Variants in LRP1B observed in about 807,000 individuals in gnomAD.
LRP1B encodes the protein low-density lipoprotein receptor-related protein 1B.
A neutral mutation model predicts 556.6 loss-of-function variants in LRP1B; 217 were observed. That is an observed-to-expected ratio of 0.39 (90% confidence interval 0.35 to 0.44). The LOEUF (loss-of-function observed/expected upper bound fraction) is 0.44. Ranked by LOEUF, LRP1B falls within the 20% of genes least tolerant of loss-of-function variation. The pLI, the probability that LRP1B is intolerant of heterozygous loss-of-function variation, is 1.00. For synonymous variants in LRP1B, 2,047 were observed against 1,865.8 expected, an observed-to-expected ratio of 1.10 and a Z score of -2.50; for missense variants, 5,053 against 5,620.8, an observed-to-expected ratio of 0.90 and a Z score of 3.23.
chr2:140,942,375 T>C lies in LRP1B; in HGVS notation c.3136+7860A>G, dbSNP rs181892415. On this transcript the variant is annotated intron_variant, in intron 20 of 90. Transcript: ENST00000389484. Reference sequence around the variant, plus strand: ...AACTTGGAAAACATATTTGAGGATATAGTCCATGAAAATTTCCCCAATCTT... The same window carrying C: ...AACTTGGAAAACATATTTGAGGATACAGTCCATGAAAATTTCCCCAATCTT... 2.7e-3 allele frequency among the ~76,000 whole-genome samples: 415 copies of C among 152,230 alleles called. 2 individuals are homozygous for C. Among genetic ancestry groups the C allele is most frequent in the African/African-American group, 9.5e-3 (394 of 41,544 alleles).
At chr2:140,868,309 T>C (rs1693017442) in intron 25 of LRP1B, 46 bp from the exon 26 acceptor site, 7 of 1,487,218 alleles carry the variant, frequency 4.7e-6, no homozygotes, top group Non-Finnish European at 5.4e-6. Flanking sequence ...GTTTCAGTCA[T>C]TCATTTCACA....
intron 86 of LRP1B, among the ~76,000 whole-genome samples, chr2:140,252,613 C>G (rs1032483867): frequency 2.0e-5 from 3 of 151,906 alleles, no homozygotes; most frequent in Non-Finnish European, 4.4e-5. Flanking sequence ...CTTTCTCATG[C>G]CCAGGAGAGT....
chr2:140,577,829 A>T (rs2105126377), intron 43 of LRP1B, among the ~76,000 whole-genome samples: 1 of 152,264 alleles, frequency 6.6e-6, no homozygotes, highest in Admixed American at 6.5e-5. Context: ...AATTTTAGTC[A>T]TATATAGTGG....
At chr2:140,883,739 G>A (rs919387475) in intron 25 of LRP1B, 78 bp downstream of exon 25, 1 of 1,121,868 alleles carries the variant, frequency 8.9e-7, no homozygotes, top group Admixed American at 2.2e-5. Flanking sequence ...CATAATTGAT[G>A]AGATAATTAA....
chr2:140,303,736 G>C (rs1313737741), intron 83 of LRP1B, among the ~76,000 whole-genome samples: 1 of 151,938 alleles, frequency 6.6e-6, no homozygotes, highest in African/African-American at 2.4e-5. Flanking sequence ...GTATACATGT[G>C]CCATGTTGGT....
chr2:140,582,190 G>A (rs1007491334), intron 43 of LRP1B, among the ~76,000 whole-genome samples: 11 of 152,080 alleles, frequency 7.2e-5, no homozygotes, highest in Non-Finnish European at 1.2e-4. Context: ...TATGCCTATA[G>A]TAGACTACAA....
chr2:140,968,187 A>G (rs1017696303), intron 18 of LRP1B, among the ~76,000 whole-genome samples: 2 of 151,646 alleles, frequency 1.3e-5, no homozygotes, highest in Admixed American at 6.6e-5. Context: ...GTAAACTATT[A>G]ATTATTGCCT....
At chr2:141,957,924 T>C (rs1478798280) in intron 1 of LRP1B, among the ~76,000 whole-genome samples, 3 of 152,038 alleles carry the variant, frequency 2.0e-5, no homozygotes, top group Non-Finnish European at 2.9e-5. Context: ...AAAGACTGAT[T>C]AGAGAAACCT....
intron 1 of LRP1B, among the ~76,000 whole-genome samples, chr2:141,972,689 G>A (rs116107906): frequency 0.011 from 1,634 of 151,152 alleles, 28 homozygotes; most frequent in African/African-American, 0.037. Context: ...ATTTTATCTC[G>A]AAGCACGATT....
chr2:141,818,638 T>G (rs7587173), intron 1 of LRP1B, among the ~76,000 whole-genome samples: 6 of 148,660 alleles, frequency 4.0e-5, no homozygotes, highest in African/African-American at 9.9e-5. Context: ...CCAGGTTCAC[T>G]CCATTCTCCT....
At chr2:140,631,237 T>C (rs963519359) in intron 41 of LRP1B, among the ~76,000 whole-genome samples, 2 of 152,150 alleles carry the variant, frequency 1.3e-5, no homozygotes, top group East Asian at 1.9e-4. Flanking sequence ...ATAAACCTGA[T>C]ACATCATGTC....
chr2:140,572,199 GAAGAGACAATCTACAGAGAAGAAAA>G lies in LRP1B; in HGVS notation c.7194+26407_7194+26431del, dbSNP rs140348897. ...CAGCAAAGAAAACAATTAATAGAGT[GAAGAGACAATCTACAGAGAAGAAAA>G]TATTTGTAAACTATTTATTTGGTAA... On this transcript the variant is annotated intron_variant, in intron 43 of 90. Coordinates refer to ENST00000389484, the MANE Select transcript of LRP1B (RefSeq NM_018557.3). 6.0e-3 allele frequency among the ~76,000 whole-genome samples: 915 copies of G among 151,604 alleles called. 7 individuals carry two copies. Among genetic ancestry groups the G allele is most frequent in the East Asian group, 0.033 (170 of 5,172 alleles).
At chr2:140,389,363 A>C (rs567889465) in intron 66 of LRP1B, among the ~76,000 whole-genome samples, 1 of 152,210 alleles carries the variant, frequency 6.6e-6, no homozygotes, top group South Asian at 2.1e-4. Flanking sequence ...GAAATAAAAA[A>C]CAACAGTGGG....
At chr2:141,877,617 T>C (rs1263112768) in intron 1 of LRP1B, among the ~76,000 whole-genome samples, 1 of 152,014 alleles carries the variant, frequency 6.6e-6, no homozygotes, top group Non-Finnish European at 1.5e-5. Flanking sequence ...ATCCACATTT[T>C]ACTTTCGCAA....
chr2:141,711,657 C>T (rs1288098939), intron 2 of LRP1B, among the ~76,000 whole-genome samples: 1 of 152,148 alleles, frequency 6.6e-6, no homozygotes, highest in Non-Finnish European at 1.5e-5. Context: ...GTTAAACTTA[C>T]ATAAAATATA....
At chr2:141,230,974 ATAC>A (rs1411274397) in intron 5 of LRP1B, among the ~76,000 whole-genome samples, 1 of 152,224 alleles carries the variant, frequency 6.6e-6, no homozygotes, top group Non-Finnish European at 1.5e-5. Flanking sequence ...TGATCATTCA[ATAC>A]CGATTTTCTG....
intron 3 of LRP1B, among the ~76,000 whole-genome samples, chr2:141,322,668 A>T (rs1687284017): frequency 6.6e-6 from 1 of 152,070 alleles, no homozygotes. Flanking sequence ...CATAGGAAAA[A>T]GAGTAAAAAC....
At chr2:140,355,487 C>T (rs1682168911) in intron 75 of LRP1B, among the ~76,000 whole-genome samples, 1 of 151,874 alleles carries the variant, frequency 6.6e-6, no homozygotes, top group African/African-American at 2.4e-5. Context: ...ACTTTTTCCC[C>T]TTTTGGGTGA....
intron 1 of LRP1B, among the ~76,000 whole-genome samples, chr2:141,877,260 G>A (rs975930814): frequency 1.3e-5 from 2 of 151,820 alleles, no homozygotes; most frequent in Admixed American, 6.6e-5. Flanking sequence ...TTCATTACCT[G>A]GGGTAGCAAA....
Sources: allele counts gnomAD v4.1 joint callset (sites outside exome capture counted in the v4.1 genomes callset), GRCh38; gene constraint gnomAD v4.1.1; transcripts MANE v1.5; gene names NCBI Gene and HGNC (gene_info 2026-07-23, HGNC 2026-07-21).